ADCY2: variants seen among roughly 807,000 people sequenced by gnomAD.
The protein encoded by ADCY2 is adenylate cyclase type 2.
Under a neutral mutation model 125.2 loss-of-function variants are expected in ADCY2, and 31 were observed. The observed-to-expected ratio is 0.25, with a 90% confidence interval of 0.19 to 0.33. The LOEUF (loss-of-function observed/expected upper bound fraction) is 0.33. ADCY2 is among the 10% of genes least tolerant of loss of function. The pLI is 1.00. For missense variants in ADCY2, 904 were observed against 1,418.2 expected, an observed-to-expected ratio of 0.64 and a Z score of 5.82; for synonymous variants, 512 against 548.4, an observed-to-expected ratio of 0.93 and a Z score of 0.93.
chr5:7,399,396 G>A (rs2111433648), intron 1 of ADCY2, among the ~76,000 whole-genome samples: 1 of 152,236 alleles, frequency 6.6e-6, no homozygotes, highest in East Asian at 1.9e-4. Context: ...AAAAAAGCAA[G>A]CTTCATTTTG....
At chr5:7,597,967 G>T (rs545600903) in intron 3 of ADCY2, among the ~76,000 whole-genome samples, 20 of 152,254 alleles carry the variant, frequency 1.3e-4, no homozygotes, top group African/African-American at 4.3e-4. Flanking sequence ...TCTCCAGTGG[G>T]CAATCCAGCC....
At chr5:7,794,537 A>G (rs1298987110) in intron 20 of ADCY2, 1 of 152,172 alleles carries the variant, frequency 6.6e-6, no homozygotes, top group East Asian at 1.9e-4. Flanking sequence ...AAAGAGAGGC[A>G]CCAACCCCCT....
intron 3 of ADCY2, among the ~76,000 whole-genome samples, chr5:7,581,564 A>C (rs556363400): frequency 7.5e-4 from 114 of 152,234 alleles, no homozygotes; most frequent in African/African-American, 2.7e-3. Flanking sequence ...TCACACCTGT[A>C]ATCCTAGCAC....
chr5:7,555,086 C>T (rs1320583341), intron 3 of ADCY2, among the ~76,000 whole-genome samples: 1 of 152,162 alleles, frequency 6.6e-6, no homozygotes, highest in African/African-American at 2.4e-5. Context: ...CTGAATTCAT[C>T]AATGTCCCTT....
Position 7,396,487 on chromosome 5 carries a change from T to C in ADCY2, c.191T>C (p.Val64Ala). Reference sequence around the variant, plus strand: ...GGCTCCTGCCTCGCCCTGCTCGCCGTCTTCTTCGCGCTCGGGCTGGTGAGT... The same window carrying C: ...GGCTCCTGCCTCGCCCTGCTCGCCGCCTTCTTCGCGCTCGGGCTGGTGAGT... ...VMGSCLALLAVFFALGLEVED... is the reference protein window; with the variant it reads ...VMGSCLALLAAFFALGLEVED... Residue 64 changes from valine (V) to alanine (A), a missense_variant, in exon 1 of 25, where the codon GTC becomes GCC. By Grantham distance (64) the Val-to-Ala change is moderately conservative (BLOSUM62 0). Transcript: ENST00000338316. This position sits in a 1 kb window ranked among gnomAD's most constrained non-coding sequence, Gnocchi z 5.7. 6.4e-7 allele frequency: 1 copy of C among 1,566,864 alleles called. No individual in the cohort carries two copies. Among genetic ancestry groups the C allele is most frequent in the East Asian group, 2.5e-5 (1 of 39,448 alleles).
intron 3 of ADCY2, among the ~76,000 whole-genome samples, chr5:7,533,644 C>T (rs755419980): frequency 8.6e-5 from 13 of 151,976 alleles, no homozygotes; most frequent in Non-Finnish European, 1.9e-4. Context: ...CTGATGAGCT[C>T]ATTATCATTA....
chr5:7,795,049 G>C (rs1013264250), intron 20 of ADCY2: 1 of 152,156 alleles, frequency 6.6e-6, no homozygotes. Context: ...CAGTGCTTCT[G>C]AAAGTGAAGC....
Position 7,752,297 on chromosome 5 carries a change from G to T in ADCY2, c.1957-5152G>T, listed in dbSNP as rs6880246. 5.0e-3 allele frequency among the ~76,000 whole-genome samples: 767 copies of T among 152,208 alleles called. 7 individuals are homozygous for T. The highest frequency in any genetic ancestry group is 7.6e-3 in the Non-Finnish European group (518 of 68,016). On this transcript the variant is annotated intron_variant, in intron 15 of 24. Coordinates refer to ENST00000338316, the MANE Select transcript of ADCY2 (RefSeq NM_020546.3). ...GCTTATTCCTGCCATTCAGAATGACGGTCCTCAGCTAATTAAAATGCCAAA... is the reference window on the plus strand; with the variant it reads ...GCTTATTCCTGCCATTCAGAATGACTGTCCTCAGCTAATTAAAATGCCAAA...
chr5:7,674,970 A>G (rs1740070068), intron 4 of ADCY2, among the ~76,000 whole-genome samples: 1 of 152,138 alleles, frequency 6.6e-6, no homozygotes, highest in Admixed American at 6.5e-5. Flanking sequence ...CCTGGCTAAC[A>G]TGGTGAAACT....
chr5:7,675,079 C>T (rs563973586), intron 4 of ADCY2, among the ~76,000 whole-genome samples: 9 of 151,004 alleles, frequency 6.0e-5, no homozygotes, highest in African/African-American at 1.7e-4. Context: ...GGCGTGAACC[C>T]GGGAGGCAGC....
intron 20 of ADCY2, chr5:7,794,730 C>A (rs6879915): frequency 0.79 from 120,587 of 152,022 alleles, 48,433 homozygotes; most frequent in African/African-American, 0.87. Context: ...CCTAAAGTAG[C>A]CTCCTCACTG....
At chr5:7,690,120 A>G (rs1457583986) in intron 4 of ADCY2, among the ~76,000 whole-genome samples, 1 of 152,202 alleles carries the variant, frequency 6.6e-6, no homozygotes, top group Non-Finnish European at 1.5e-5. Flanking sequence ...GTAGTTTCTT[A>G]TGGATGACAT....
At chr5:7,576,323 A>G (rs1352351758) in intron 3 of ADCY2, among the ~76,000 whole-genome samples, 2 of 152,200 alleles carry the variant, frequency 1.3e-5, no homozygotes, top group Non-Finnish European at 1.5e-5. Flanking sequence ...ATTCATGTAC[A>G]CTCCAGAGAT....
intron 4 of ADCY2, among the ~76,000 whole-genome samples, chr5:7,688,059 ATAG>A (rs1431472833): frequency 2.2e-5 from 3 of 136,014 alleles, no homozygotes; most frequent in African/African-American, 8.4e-5. Flanking sequence ...TTCCAAATAG[ATAG>A]CCTAGATCCA....
At chr5:7,798,911 G>A (rs937357953) in intron 20 of ADCY2, 2 of 152,120 alleles carry the variant, frequency 1.3e-5, no homozygotes, top group Non-Finnish European at 1.5e-5. Flanking sequence ...TTATGGATGA[G>A]AGGACCTTGC....
At chr5:7,664,404 T>C (rs1274011862) in intron 4 of ADCY2, among the ~76,000 whole-genome samples, 1 of 152,198 alleles carries the variant, frequency 6.6e-6, no homozygotes, top group African/African-American at 2.4e-5. Flanking sequence ...AGGGAGGACT[T>C]TCCCTTCAGG....
At chr5:7,453,721 G>C (rs1475277953) in intron 2 of ADCY2, among the ~76,000 whole-genome samples, 1 of 152,122 alleles carries the variant, frequency 6.6e-6, no homozygotes, top group African/African-American at 2.4e-5. Flanking sequence ...CCGGGGTCTT[G>C]TGTCCCTTCT....
rs192780598 is a variant in ADCY2, at chr5:7,586,604, G to T, written c.571-39563G>T. 3.3e-5 allele frequency among the ~76,000 whole-genome samples: 5 copies of T among 152,072 alleles called. No homozygotes were observed. In the South Asian group the frequency reaches 6.3e-4, roughly 19 times the overall value. The stretch of plus-strand genomic sequence containing the variant: ...AGGAGACAAGGTCATCTAATGAGCC[G>T]CTGACAGGAGCCCGCCGTGCATCTC... On this transcript the variant is annotated intron_variant, in intron 3 of 24. Coordinates refer to ENST00000338316, the MANE Select transcript of ADCY2 (RefSeq NM_020546.3).
chr5:7,542,675 C>T (rs1347842483), intron 3 of ADCY2, among the ~76,000 whole-genome samples: 1 of 152,220 alleles, frequency 6.6e-6, no homozygotes, highest in Non-Finnish European at 1.5e-5. Context: ...TGAGAAACTG[C>T]AATGTTGCCC....
Sources: allele counts gnomAD v4.1 joint callset (sites outside exome capture counted in the v4.1 genomes callset), GRCh38; gene constraint gnomAD v4.1.1; non-coding constraint Gnocchi (gnomAD v3.1); transcripts MANE v1.5; gene names NCBI Gene and HGNC (gene_info 2026-07-23, HGNC 2026-07-21).